TMEM132B: variants seen among roughly 807,000 people sequenced by gnomAD.
The protein encoded by TMEM132B is transmembrane protein 132B.
A neutral mutation model predicts 90.8 loss-of-function variants in TMEM132B; 18 were observed. The observed-to-expected ratio is 0.20, with a 90% CI of 0.14 to 0.29. The LOEUF (loss-of-function observed/expected upper bound fraction) is 0.29. TMEM132B is among the 10% of genes least tolerant of loss of function. TMEM132B has a pLI of 1.00. For missense variants in TMEM132B, 1,096 were observed against 1,326.8 expected, an observed-to-expected ratio of 0.83 and a Z score of 2.70; for synonymous variants, 504 against 523.3, an observed-to-expected ratio of 0.96 and a Z score of 0.50.
chr12:125,559,251 A>G (rs1178470980), intron 4 of TMEM132B, among the ~76,000 whole-genome samples: 1 of 152,096 alleles, frequency 6.6e-6, no homozygotes, highest in Non-Finnish European at 1.5e-5. Flanking sequence ...CTGTAGTCCT[A>G]CCACTCAGGA....
intron 1 of TMEM132B, among the ~76,000 whole-genome samples, chr12:125,232,235 C>T (rs1359632193): frequency 1.5e-4 from 23 of 151,926 alleles, no homozygotes; most frequent in Non-Finnish European, 2.5e-4. Context: ...AACATCTTTG[C>T]CTTTCCTTTG....
rs557681848 is a variant in TMEM132B, at chr12:125,515,390, TTC to T, written c.1107-4044_1107-4043del. ...CATTCACTCACACCTCTTTCACACATTCTCTCACAAATACATTCAAACATTTG... is the reference window on the plus strand; with the variant it reads ...CATTCACTCACACCTCTTTCACACATTCTCACAAATACATTCAAACATTTG... On this transcript the variant is annotated intron_variant, in intron 3 of 8. Transcript: ENST00000682704. 9.1e-4 allele frequency among the ~76,000 whole-genome samples: 86 copies of T among 94,468 alleles called. 1 individual carries two copies. The East Asian group carries it at 0.014, about 16-fold the overall frequency. The allele number at this position is 94,468 out of a possible 152,430, so 62.0% of individuals were successfully genotyped here. A position where few individuals can be genotyped will look rare whatever the true frequency, so the allele number is the denominator to read the frequency against.
At chr12:125,249,317 G>T (rs2136100653) in intron 1 of TMEM132B, among the ~76,000 whole-genome samples, 1 of 152,224 alleles carries the variant, frequency 6.6e-6, no homozygotes, top group Non-Finnish European at 1.5e-5. Flanking sequence ...ATTTCTAGCA[G>T]GTTCCCAGAC....
chr12:125,353,192 A>G (rs979949849), intron 2 of TMEM132B, among the ~76,000 whole-genome samples: 4 of 150,360 alleles, frequency 2.7e-5, no homozygotes, highest in Non-Finnish European at 5.9e-5. Flanking sequence ...TCCCTCTGCC[A>G]TGGCAGACAT....
intron 2 of TMEM132B, among the ~76,000 whole-genome samples, chr12:125,379,665 G>T (rs1254477478): frequency 6.6e-6 from 1 of 152,132 alleles, no homozygotes; most frequent in Non-Finnish European, 1.5e-5. Context: ...AAATAATAGA[G>T]TCCCCTGACC....
chr12:125,625,082 C>T (rs1419384540), intron 5 of TMEM132B, among the ~76,000 whole-genome samples: 1 of 150,388 alleles, frequency 6.6e-6, no homozygotes, highest in Non-Finnish European at 1.5e-5. Flanking sequence ...TCTTCCAGGA[C>T]AGCACAAAAG....
intron 5 of TMEM132B, among the ~76,000 whole-genome samples, chr12:125,598,566 A>G (rs1478880247): frequency 6.6e-6 from 1 of 152,222 alleles, no homozygotes; most frequent in Non-Finnish European, 1.5e-5. Flanking sequence ...TTAATCAAAG[A>G]TGGGACTGGG....
intron 2 of TMEM132B, among the ~76,000 whole-genome samples, chr12:125,368,072 T>C (rs1309114364): frequency 1.3e-5 from 2 of 152,218 alleles, no homozygotes; most frequent in Middle Eastern, 3.2e-3. Context: ...CTAATTAGAG[T>C]TGACATGTTA....
At chr12:125,540,303 C>T (rs1883920020) in intron 4 of TMEM132B, among the ~76,000 whole-genome samples, 1 of 152,132 alleles carries the variant, frequency 6.6e-6, no homozygotes, top group Non-Finnish European at 1.5e-5. Context: ...GTGGATTATT[C>T]TATAAATGTC....
chr12:125,526,179 C>G (rs1203217193), intron 4 of TMEM132B, among the ~76,000 whole-genome samples: 3 of 152,194 alleles, frequency 2.0e-5, no homozygotes, highest in Non-Finnish European at 1.5e-5. Flanking sequence ...CCTTGTGACA[C>G]AGTAAAACTG....
At chr12:125,353,506 A>G (rs1877664641) in intron 2 of TMEM132B, among the ~76,000 whole-genome samples, 1 of 152,260 alleles carries the variant, frequency 6.6e-6, no homozygotes, top group African/African-American at 2.4e-5. Context: ...AGCATTAGCT[A>G]ACATTCATTG....
chr12:125,318,187 T>TA (rs11366682), intron 1 of TMEM132B, among the ~76,000 whole-genome samples: 1 of 151,900 alleles, frequency 6.6e-6, no homozygotes, highest in Non-Finnish European at 1.5e-5. Flanking sequence ...ACAATAAAAG[T>TA]AAAAAAAACT....
At chr12:125,404,324 C>A (rs910880936) in intron 2 of TMEM132B, among the ~76,000 whole-genome samples, 3 of 152,082 alleles carry the variant, frequency 2.0e-5, no homozygotes, top group East Asian at 3.9e-4. Context: ...CTCTGGCAAA[C>A]GGAGACATTT....
At chr12:125,628,723 C>T (rs1315639534) in intron 5 of TMEM132B, among the ~76,000 whole-genome samples, 1 of 152,118 alleles carries the variant, frequency 6.6e-6, no homozygotes, top group African/African-American at 2.4e-5. Context: ...AGTTTTTGCC[C>T]AGACCAGTGT....
intron 4 of TMEM132B, among the ~76,000 whole-genome samples, chr12:125,572,512 T>C (rs975893895): frequency 2.6e-5 from 4 of 152,188 alleles, no homozygotes; most frequent in Admixed American, 2.0e-4. Context: ...TCTATCACAG[T>C]GAGGAAAAAA....
At chr12:125,515,176 TCACA>T (rs1188552668) in intron 3 of TMEM132B, among the ~76,000 whole-genome samples, 13 of 151,100 alleles carry the variant, frequency 8.6e-5, no homozygotes, top group East Asian at 3.9e-4. Context: ...TCTCCCACAC[TCACA>T]CACGCATTCT....
chr12:125,483,720 A>G (rs1351772601), intron 3 of TMEM132B, among the ~76,000 whole-genome samples: 2 of 152,198 alleles, frequency 1.3e-5, no homozygotes, highest in African/African-American at 2.4e-5. Flanking sequence ...AAGGAAAAAC[A>G]CCAAGGGTAA....
chr12:125,307,951 G>A (rs755452519), intron 1 of TMEM132B, among the ~76,000 whole-genome samples: 8 of 130,096 alleles, frequency 6.1e-5, no homozygotes, highest in Non-Finnish European at 1.2e-4. Flanking sequence ...TATATTACAA[G>A]TATATATATA....
intron 1 of TMEM132B, among the ~76,000 whole-genome samples, chr12:125,257,422 G>T (rs1043691010): frequency 5.9e-5 from 9 of 152,230 alleles, no homozygotes; most frequent in African/African-American, 2.2e-4. Flanking sequence ...CTCTGCTGTT[G>T]CTCCTCCAAA....
Sources: allele counts gnomAD v4.1 joint callset (sites outside exome capture counted in the v4.1 genomes callset), GRCh38; gene constraint gnomAD v4.1.1; transcripts MANE v1.5; gene names NCBI Gene and HGNC (gene_info 2026-07-23, HGNC 2026-07-21).